The following LRP1B variants were observed in gnomAD, a reference collection of about 807,000 sequenced individuals.
The protein encoded by LRP1B is low-density lipoprotein receptor-related protein 1B.
LRP1B carries 217 observed loss-of-function variants against 556.6 expected under a neutral mutation model. That is an observed-to-expected ratio of 0.39 (90% confidence interval 0.35 to 0.44). The LOEUF (loss-of-function observed/expected upper bound fraction) is 0.44. Ranked by LOEUF, LRP1B falls within the 20% of genes least tolerant of loss-of-function variation. The pLI is 1.00. For missense variants in LRP1B, 5,053 were observed against 5,620.8 expected (o/e 0.90, Z 3.23); for synonymous variants, 2,047 against 1,865.8 (o/e 1.10, Z -2.50).
chr2:141,026,627 G>T (rs1022017382), intron 11 of LRP1B, among the ~76,000 whole-genome samples: 12 of 152,018 alleles, frequency 7.9e-5, no homozygotes, highest in Admixed American at 7.9e-4. Flanking sequence ...AAAAAGGCTA[G>T]ACAAATGCCT....
At chr2:140,678,505 G>C in intron 41 of LRP1B, among the ~76,000 whole-genome samples, 1 of 152,068 alleles carries the variant, frequency 6.6e-6, no homozygotes, top group Non-Finnish European at 1.5e-5. Context: ...TTAAAGACTG[G>C]ACAAGGCATT....
chr2:140,242,469 T>C (rs980409516), intron 87 of LRP1B, among the ~76,000 whole-genome samples: 3 of 151,224 alleles, frequency 2.0e-5, no homozygotes, highest in African/African-American at 7.3e-5. Context: ...AGCAAATATA[T>C]CTTAAGTGCT....
intron 49 of LRP1B, 122 bp from the exon 50 acceptor site, chr2:140,517,133 G>T: frequency 1.5e-6 from 1 of 685,682 alleles, no homozygotes; most frequent in Non-Finnish European, 2.5e-6. Flanking sequence ...AAATAGCTAA[G>T]ATTTTCTCCT....
intron 2 of LRP1B, among the ~76,000 whole-genome samples, chr2:141,558,171 A>AG (rs1559140070): frequency 6.6e-6 from 1 of 151,852 alleles, no homozygotes; most frequent in Non-Finnish European, 1.5e-5. Context: ...TTAGGCACTT[A>AG]GTCTTTAGAG....
intron 43 of LRP1B, among the ~76,000 whole-genome samples, chr2:140,549,575 C>T (rs753571915): frequency 8.6e-4 from 131 of 152,138 alleles, no homozygotes; most frequent in Non-Finnish European, 1.5e-3. Context: ...TGAGTAGCAG[C>T]ACATAGAAGG....
intron 2 of LRP1B, among the ~76,000 whole-genome samples, chr2:141,560,637 G>C (rs1232306052): frequency 3.3e-5 from 5 of 151,614 alleles, no homozygotes; most frequent in African/African-American, 9.7e-5. Context: ...GAAAGGAAAG[G>C]AGAAAAATTT....
chr2:140,503,176 C>T lies in LRP1B; in HGVS notation c.8522-73G>A, dbSNP rs1294903515. 2.3e-6 allele frequency: 3 copies of T among 1,328,282 alleles called. No homozygotes were observed. The Admixed American group carries it at 5.2e-5, about 23-fold the overall frequency. 82.3% of individuals were successfully genotyped at this position (1,328,282 alleles called of 1,614,324 possible). A position where few individuals can be genotyped will look rare whatever the true frequency, so the allele number is the denominator to read the frequency against. On this transcript the variant is annotated intron_variant, in intron 53 of 90. Coordinates refer to ENST00000389484, the MANE Select transcript of LRP1B (RefSeq NM_018557.3). ...ATTGAAACGTCATCTCCTCAATGTA[C>T]ACTACACCGGATTAATGTGGATTAC...
At chr2:140,516,476 G>GTGTT (rs1689905681) in intron 50 of LRP1B, among the ~76,000 whole-genome samples, 1 of 152,008 alleles carries the variant, frequency 6.6e-6, no homozygotes, top group African/African-American at 2.4e-5. Flanking sequence ...TGTCCACAGG[G>GTGTT]TGTTAGACCC....
intron 83 of LRP1B, among the ~76,000 whole-genome samples, chr2:140,304,413 T>C (rs577454080): frequency 6.6e-6 from 1 of 152,332 alleles, no homozygotes; most frequent in East Asian, 1.9e-4. Flanking sequence ...TGGCCAGTGA[T>C]GATGAGCATT....
chr2:140,963,450 TA>T (rs398104772), intron 18 of LRP1B, among the ~76,000 whole-genome samples: 2 of 107,086 alleles, frequency 1.9e-5, no homozygotes, highest in Non-Finnish European at 3.9e-5. Context: ...TATTTATATA[TA>T]TATATATATT....
intron 3 of LRP1B, among the ~76,000 whole-genome samples, chr2:141,440,359 T>G (rs1288933886): frequency 1.1e-4 from 16 of 152,340 alleles, no homozygotes; most frequent in Admixed American, 1.0e-3. Flanking sequence ...TCATGTGGAC[T>G]TCCTCCACAC....
intron 2 of LRP1B, among the ~76,000 whole-genome samples, chr2:141,524,273 T>G (rs928651841): frequency 1.3e-5 from 2 of 151,166 alleles, no homozygotes; most frequent in Non-Finnish European, 3.0e-5. Flanking sequence ...AATATATATA[T>G]ATATATAAAA....
chr2:140,748,806 TATACATGTATATAATATATATC>T, intron 35 of LRP1B, among the ~76,000 whole-genome samples: 1 of 109,596 alleles, frequency 9.1e-6, no homozygotes, highest in East Asian at 2.3e-4. Flanking sequence ...ATACATATTA[TATACATGTATATAATATATATC>T]ATATATTATA....
intron 43 of LRP1B, among the ~76,000 whole-genome samples, chr2:140,586,044 C>CT (rs1253360067): frequency 1.3e-5 from 2 of 152,044 alleles, no homozygotes; most frequent in African/African-American, 4.8e-5. Context: ...AGATGTTTCC[C>CT]TTTTTTTCTA....
chr2:141,751,396 T>G (rs1159054662), intron 2 of LRP1B, among the ~76,000 whole-genome samples: 1 of 152,282 alleles, frequency 6.6e-6, no homozygotes, highest in South Asian at 2.1e-4. Flanking sequence ...TTTTAAAATC[T>G]TAAGATATTT....
At chr2:142,013,949 T>G (rs1276261426) in intron 1 of LRP1B, among the ~76,000 whole-genome samples, 1 of 152,138 alleles carries the variant, frequency 6.6e-6, no homozygotes, top group Non-Finnish European at 1.5e-5. Context: ...TGCCCAGATA[T>G]CCTGATATCT....
intron 41 of LRP1B, among the ~76,000 whole-genome samples, chr2:140,699,026 T>A (rs548395310): frequency 4.6e-5 from 7 of 152,158 alleles, no homozygotes; most frequent in African/African-American, 1.7e-4. Context: ...TCTACTCTAA[T>A]TTTTTTACTT....
chr2:141,813,618 A>AG (rs1696431341), intron 1 of LRP1B, among the ~76,000 whole-genome samples: 1 of 152,026 alleles, frequency 6.6e-6, no homozygotes, highest in Non-Finnish European at 1.5e-5. Flanking sequence ...AACAGGATGG[A>AG]GGACCACTAA....
At position 140,681,274 on chromosome 2, in the gene LRP1B, T is replaced by C. The variant is rs369494276; in HGVS notation, c.6799+18976A>G. The stretch of plus-strand genomic sequence containing the variant: ...GCATATATTAAATACACAGTAAATA[T>C]TTGCAGAACAAATGAAATAAAGAGA... On this transcript the variant is annotated intron_variant, in intron 41 of 90. Transcript: ENST00000389484. 3.5e-3 allele frequency among the ~76,000 whole-genome samples: 531 copies of C among 152,144 alleles called. 4 individuals are homozygous for C. Among genetic ancestry groups the C allele is most frequent in the South Asian group, 0.019 (92 of 4,814 alleles).
Sources: allele counts gnomAD v4.1 joint callset (sites outside exome capture counted in the v4.1 genomes callset), GRCh38; gene constraint gnomAD v4.1.1; transcripts MANE v1.5; gene names NCBI Gene and HGNC (gene_info 2026-07-23, HGNC 2026-07-21).